Variants in PCNX2 observed in about 807,000 individuals in gnomAD.
PCNX2 encodes pecanex-like protein 2.
A neutral mutation model predicts 223.8 loss-of-function variants in PCNX2; 168 were observed. The ratio of observed to expected loss-of-function variants is 0.75; its 90% CI spans 0.66 to 0.85. PCNX2 has a LOEUF of 0.85. PCNX2 is among the 40% of genes least tolerant of loss of function. The probability of loss-of-function intolerance (pLI) is 0.00; values close to 1 mark genes in which losing one functional copy is unlikely to be tolerated. For synonymous variants in PCNX2, 1,006 were observed against 1,052.6 expected (o/e 0.96, Z 0.86); for missense variants, 2,507 against 2,675.5 (o/e 0.94, Z 1.39).
At chr1:233,255,669 C>T (rs1250057248) in intron 5 of PCNX2, among the ~76,000 whole-genome samples, 1 of 152,158 alleles carries the variant, frequency 6.6e-6, no homozygotes, top group Non-Finnish European at 1.5e-5. Context: ...TGAAGAGAAC[C>T]TGGGCTGGAA....
At chr1:233,103,918 C>A (rs1674630029) in intron 21 of PCNX2, among the ~76,000 whole-genome samples, 1 of 152,170 alleles carries the variant, frequency 6.6e-6, no homozygotes, top group South Asian at 2.1e-4. Flanking sequence ...AGAGGGTTCT[C>A]ATTTCTCCAC....
chr1:233,213,293 G>T (rs978146818), intron 12 of PCNX2, among the ~76,000 whole-genome samples: 2 of 152,106 alleles, frequency 1.3e-5, no homozygotes, highest in African/African-American at 2.4e-5. Context: ...GCCAAAAGGA[G>T]CCTACAGAGA....
At chr1:233,130,834 A>G (rs540869028) in intron 21 of PCNX2, among the ~76,000 whole-genome samples, 49 of 151,564 alleles carry the variant, frequency 3.2e-4, no homozygotes, top group African/African-American at 9.2e-4. Context: ...AGAGTAGGCA[A>G]TATTCATCCT....
Position 233,217,671 on chromosome 1 carries a change from T to A in PCNX2, c.2691+228A>T, listed in dbSNP as rs374252176. ...GGGATAGGAAAGACTCTGCACACAC[T>A]CTCCACCCACTGCCCCACACCTTCC... On this transcript the variant is annotated intron_variant, in intron 12 of 33. Coordinates refer to ENST00000258229, the MANE Select transcript of PCNX2 (RefSeq NM_014801.4). 1.1e-4 allele frequency among the ~76,000 whole-genome samples: 16 copies of A among 152,056 alleles called. No homozygotes were observed. The East Asian group carries it at 3.1e-3, about 29-fold the overall frequency.
chr1:233,031,902 G>T (rs1671281747), intron 25 of PCNX2: 1 of 984,836 alleles, frequency 1.0e-6, no homozygotes, highest in African/African-American at 1.8e-5. Context: ...AAACAGTGAG[G>T]CATCCAGAGA....
At chr1:233,077,961 T>C (rs916979512) in intron 23 of PCNX2, among the ~76,000 whole-genome samples, 4 of 152,180 alleles carry the variant, frequency 2.6e-5, no homozygotes, top group African/African-American at 9.6e-5. Flanking sequence ...AATTAGAGAA[T>C]GGTTTTGTAT....
intron 23 of PCNX2, among the ~76,000 whole-genome samples, chr1:233,062,518 T>C (rs1355656319): frequency 6.6e-6 from 1 of 152,224 alleles, no homozygotes; most frequent in African/African-American, 2.4e-5. Flanking sequence ...TGAATTTTAG[T>C]CTTTGGCATT....
chr1:233,310,461 C>G, the PCNX2 span, among the ~76,000 whole-genome samples: 9 of 152,120 alleles, frequency 5.9e-5, no homozygotes, highest in African/African-American at 2.2e-4. Flanking sequence ...AACCACTGTC[C>G]CCTTCTTGAA....
chr1:233,201,110 TA>T (rs201019503), intron 13 of PCNX2, among the ~76,000 whole-genome samples: 10,680 of 110,338 alleles, frequency 0.097, 1,444 homozygotes, highest in African/African-American at 0.31. Context: ...CTTAAAGTAT[TA>T]AAAAAAAAAA....
rs549730782 is a variant in PCNX2 at position 233,267,148 on chromosome 1, G to A, written c.154-3985C>T. 7.2e-5 allele frequency among the ~76,000 whole-genome samples: 11 copies of A among 152,108 alleles called. No homozygotes were observed. In the South Asian group the frequency reaches 2.1e-3, roughly 29 times the overall value. On this transcript the variant is annotated intron_variant, in intron 1 of 33. Transcript: ENST00000258229. ...AGCCTGGCCAACGTGATGAAACCCAGTCTACTAAAAACACAAAAATTAGCC... is the reference window on the plus strand; with the variant it reads ...AGCCTGGCCAACGTGATGAAACCCAATCTACTAAAAACACAAAAATTAGCC...
At chr1:233,137,439 T>C (rs1676876088) in intron 20 of PCNX2, among the ~76,000 whole-genome samples, 1 of 152,246 alleles carries the variant, frequency 6.6e-6, no homozygotes, top group South Asian at 2.1e-4. Context: ...TTATCTTAAT[T>C]GTTTGTATTA....
intron 21 of PCNX2, among the ~76,000 whole-genome samples, chr1:233,108,621 G>A (rs920831804): frequency 9.8e-5 from 15 of 152,292 alleles, no homozygotes; most frequent in East Asian, 7.7e-4. Context: ...CGGCTCAGCC[G>A]GGCCCTTCTG....
Position 233,025,380 on chromosome 1 carries a change from C to CT in PCNX2, c.4370_4371insA (p.Glu1458GlyfsTer67). The stretch of plus-strand genomic sequence containing the variant: ...CGCCCTCCATGATGGCTTCTACCTC[C>CT]CTCTGCTGGCAGTAGGTTCCTGGCC... On this transcript the variant is annotated frameshift_variant, in exon 26 of 34. Coordinates refer to ENST00000258229, the MANE Select transcript of PCNX2 (RefSeq NM_014801.4). LOFTEE classifies it high-confidence loss of function. 6.2e-7 allele frequency: 1 copy of CT among 1,613,944 alleles called. No homozygotes were observed. Among genetic ancestry groups the CT allele is most frequent in the South Asian group, 1.1e-5 (1 of 91,076 alleles).
Position 233,021,787 on chromosome 1 carries a change from G to A in PCNX2, c.4605+3359C>T, listed in dbSNP as rs1558168886. On this transcript the variant is annotated intron_variant, in intron 26 of 33. Coordinates refer to ENST00000258229, the MANE Select transcript of PCNX2 (RefSeq NM_014801.4). The stretch of plus-strand genomic sequence containing the variant: ...AGCTATTACCCGGCAGGTTCTGGGG[G>A]AGCCTTCCTGAGCCCTTTTCCATTT... Among the ~76,000 whole-genome samples, 5 of 152,198 alleles carry A rather than the reference G, an allele frequency of 3.3e-5. No individual in the cohort carries two copies. In the South Asian group the frequency reaches 1.0e-3, roughly 32 times the overall value.
chr1:233,174,308 A>G (rs981265901), intron 17 of PCNX2, among the ~76,000 whole-genome samples: 16 of 146,768 alleles, frequency 1.1e-4, no homozygotes, highest in Admixed American at 2.1e-4. Flanking sequence ...ATAGCAAACT[A>G]TTAATATTAT....
intron 1 of PCNX2, among the ~76,000 whole-genome samples, chr1:233,274,554 T>C (rs1259569246): frequency 2.0e-5 from 3 of 152,172 alleles, no homozygotes; most frequent in Admixed American, 6.5e-5. Flanking sequence ...AGTAGATGTA[T>C]AGAGTAGAAT....
At chr1:233,145,679 C>A (rs1209288484) in intron 19 of PCNX2, among the ~76,000 whole-genome samples, 1 of 152,110 alleles carries the variant, frequency 6.6e-6, no homozygotes, top group African/African-American at 2.4e-5. Flanking sequence ...GCATTTGAAG[C>A]ATCATTCTGG....
rs1047989647 is a variant in PCNX2 at position 233,057,233 on chromosome 1, T to C, written c.4134A>G (p.Pro1378=). The C allele has an allele frequency of 1.0e-5, 16 of 1,597,366 alleles. No homozygotes were observed. The African/African-American group carries it at 1.5e-4, about 15-fold the overall frequency. Residue 1378 remains proline, a splice_region_variant and synonymous_variant, in exon 24 of 34, where the codon CCA becomes CCG. Transcript: ENST00000258229. The part of the protein sequence containing the change: ...TRLAVQIERD[P]GNDDNNLNSI... The stretch of plus-strand genomic sequence containing the variant: ...AAAAGAGAGAAGAGATCTTCTTACC[T>C]GGATCTCTTTCAATTTGGACTGCCA...
At chr1:233,249,311 T>C (rs544202045) in intron 8 of PCNX2, among the ~76,000 whole-genome samples, 4 of 152,362 alleles carry the variant, frequency 2.6e-5, no homozygotes, top group Non-Finnish European at 5.9e-5. Context: ...GAAGAATTTG[T>C]TCTAAATTCA....
Sources: gnomAD v4.1 joint callset for allele counts (sites outside exome capture counted in the v4.1 genomes callset) on GRCh38, gnomAD v4.1.1 for gene constraint, MANE v1.5 for transcripts, NCBI Gene and HGNC (gene_info 2026-07-23, HGNC 2026-07-21) for gene names.